The following MITF variants were observed in gnomAD, a reference collection of about 807,000 sequenced individuals.
MITF encodes melanocyte inducing transcription factor, also known as microphthalmia-associated transcription factor.
In MITF, 17 loss-of-function variants were observed where a neutral mutation model predicts 60.5. That is an observed-to-expected ratio of 0.28 (90% CI 0.19 to 0.42). MITF has a LOEUF of 0.42. MITF is among the 10% of genes least tolerant of loss of function. MITF has a pLI of 1.00. For missense variants in MITF, 622 were observed against 683.5 expected, an observed-to-expected ratio of 0.91 and a Z score of 1.00; for synonymous variants, 260 against 248.5, an observed-to-expected ratio of 1.05 and a Z score of -0.43.
intron 1 of MITF, among the ~76,000 whole-genome samples, chr3:69,860,328 T>C (rs113113008): frequency 0.011 from 1,668 of 152,298 alleles, 25 homozygotes; most frequent in African/African-American, 0.037. Flanking sequence ...CACTTTAGGC[T>C]GGGCGCGGTG....
chr3:69,805,481 T>C (rs1473386178), intron 1 of MITF, among the ~76,000 whole-genome samples: 4 of 152,110 alleles, frequency 2.6e-5, no homozygotes, highest in African/African-American at 7.2e-5. Flanking sequence ...TTTGCAGTGA[T>C]TAAGAACATT....
chr3:69,934,440 G>A (rs1311311816), intron 2 of MITF, among the ~76,000 whole-genome samples: 1 of 152,160 alleles, frequency 6.6e-6, no homozygotes, highest in Non-Finnish European at 1.5e-5. Flanking sequence ...TTTAAAGAGT[G>A]TAAAAGGATC....
At chr3:69,882,643 A>G (rs1200192930) in intron 2 of MITF, among the ~76,000 whole-genome samples, 5 of 152,196 alleles carry the variant, frequency 3.3e-5, no homozygotes, top group Non-Finnish European at 4.4e-5. Context: ...AAGTCATGCA[A>G]ACCTGAAGTT....
chr3:69,815,330 T>A (rs2063165093), intron 1 of MITF, among the ~76,000 whole-genome samples: 1 of 152,172 alleles, frequency 6.6e-6, no homozygotes, highest in Non-Finnish European at 1.5e-5. Context: ...AACACAGGTC[T>A]GAACTGCTTG....
At chr3:69,911,159 T>G (rs1218199770) in intron 2 of MITF, among the ~76,000 whole-genome samples, 3 of 152,170 alleles carry the variant, frequency 2.0e-5, no homozygotes, top group African/African-American at 7.2e-5. Context: ...CTGCTTTTGC[T>G]TCTTCCTCAT....
At chr3:69,921,097 C>T (rs2065457577) in intron 2 of MITF, among the ~76,000 whole-genome samples, 2 of 152,204 alleles carry the variant, frequency 1.3e-5, no homozygotes, top group South Asian at 4.1e-4. Context: ...GTCTCGGACA[C>T]CTAACCTCAG....
At chr3:69,901,213 C>CAAA (rs201494705) in intron 2 of MITF, among the ~76,000 whole-genome samples, 1 of 75,188 alleles carries the variant, frequency 1.3e-5, no homozygotes, top group African/African-American at 4.3e-5. Flanking sequence ...TGTGATTTTT[C>CAAA]AAAAAAAAAA....
At chr3:69,864,649 G>A (rs1456828546) in intron 1 of MITF, among the ~76,000 whole-genome samples, 2 of 152,088 alleles carry the variant, frequency 1.3e-5, no homozygotes, top group Non-Finnish European at 2.9e-5. Flanking sequence ...CCATCTCTCT[G>A]TGGTTTCTTG....
chr3:69,746,560 G>C (rs1703736248), intron 1 of MITF, among the ~76,000 whole-genome samples: 1 of 152,140 alleles, frequency 6.6e-6, no homozygotes, highest in Non-Finnish European at 1.5e-5. Context: ...GTACTTTGCT[G>C]AGGGTTTGTC....
intron 1 of MITF, among the ~76,000 whole-genome samples, chr3:69,795,732 T>C (rs2062816602): frequency 6.6e-6 from 1 of 152,058 alleles, no homozygotes; most frequent in South Asian, 2.1e-4. Context: ...TTTCAGAAAA[T>C]AAAAGGTAAA....
Position 69,967,049 on chromosome 3 carries a change from AG to A in MITF, c.*1804del, listed in dbSNP as rs1320047780. On this transcript the variant is annotated 3_prime_UTR_variant, in exon 10 of 10. Coordinates refer to ENST00000352241, the MANE Select transcript of MITF (RefSeq NM_001354604.2). ...CTTTCATCAGGAAACCTTATTCAGG[AG>A]GGTTTTTAAAAAGTGTTTAAATGTC... The A allele has an allele frequency of 4.3e-6, 1 of 232,060 alleles. No individual in the cohort carries two copies. The highest frequency in any genetic ancestry group is 8.5e-6 in the Non-Finnish European group (1 of 117,162). 14.4% of individuals were successfully genotyped at this position (232,060 alleles called of 1,614,324 possible). A position where few individuals can be genotyped will look rare whatever the true frequency, so the allele number is the denominator to read the frequency against.
In MITF at chr3:69,967,368, T is replaced by C; in HGVS notation, c.*2120T>C. 1 of 232,862 alleles carries C rather than the reference T, an allele frequency of 4.3e-6. No individual in the cohort carries two copies. The highest frequency in any genetic ancestry group is 8.5e-6 in the Non-Finnish European group (1 of 117,474). 14.4% of individuals were successfully genotyped at this position (232,862 alleles called of 1,614,324 possible). On this transcript the variant is annotated 3_prime_UTR_variant, in exon 10 of 10. Coordinates refer to ENST00000352241, the MANE Select transcript of MITF (RefSeq NM_001354604.2). The stretch of plus-strand genomic sequence containing the variant: ...ACCATAGTGTTCATTGATACAATCA[T>C]AGCATTGTCTATTTTTCTCTTCATA...
chr3:69,824,733 C>T (rs1435936465), intron 1 of MITF, among the ~76,000 whole-genome samples: 2 of 152,204 alleles, frequency 1.3e-5, no homozygotes, highest in African/African-American at 4.8e-5. Context: ...CCCTGCAGTG[C>T]ATAGTGGCCA....
At chr3:69,769,025 T>C (rs1017322927) in intron 1 of MITF, among the ~76,000 whole-genome samples, 2 of 152,186 alleles carry the variant, frequency 1.3e-5, no homozygotes, top group African/African-American at 4.8e-5. Flanking sequence ...CTGCACTGAT[T>C]GGTGGCTGTG....
At chr3:69,857,377 TA>T (rs1363266997) in intron 1 of MITF, among the ~76,000 whole-genome samples, 1 of 152,002 alleles carries the variant, frequency 6.6e-6, no homozygotes, top group Non-Finnish European at 1.5e-5. Context: ...TTTCTTTAAA[TA>T]AAAAAGATTT....
chr3:69,894,662 A>G (rs111258018), intron 2 of MITF, among the ~76,000 whole-genome samples: 6,356 of 150,104 alleles, frequency 0.042, 315 homozygotes, highest in African/African-American at 0.12. Context: ...CCCCAGCCTG[A>G]GCAACAAGAG....
intron 1 of MITF, among the ~76,000 whole-genome samples, chr3:69,748,861 T>A (rs929563126): frequency 6.6e-6 from 1 of 152,176 alleles, no homozygotes; most frequent in African/African-American, 2.4e-5. Flanking sequence ...TCTGGGAAGG[T>A]TGACTTGCCT....
At chr3:69,957,682 A>G (rs2066433434) in intron 8 of MITF, among the ~76,000 whole-genome samples, 1 of 152,200 alleles carries the variant, frequency 6.6e-6, no homozygotes, top group African/African-American at 2.4e-5. Flanking sequence ...TTTTTAGCAT[A>G]TTCTTTTAAA....
chr3:69,881,643 G>T (rs1040606620), intron 2 of MITF, among the ~76,000 whole-genome samples: 32 of 148,356 alleles, frequency 2.2e-4, no homozygotes, highest in East Asian at 5.9e-4. Flanking sequence ...GAGAAAGGTG[G>T]TTTTTTTTTT....
Sources: allele counts gnomAD v4.1 joint callset (sites outside exome capture counted in the v4.1 genomes callset), GRCh38; gene constraint gnomAD v4.1.1; transcripts MANE v1.5; gene names NCBI Gene and HGNC (gene_info 2026-07-23, HGNC 2026-07-21).